PTPN13: variants seen among roughly 807,000 people sequenced by gnomAD.
PTPN13 encodes the protein tyrosine-protein phosphatase non-receptor type 13.
A neutral mutation model predicts 284.0 loss-of-function variants in PTPN13; 191 were observed. The ratio of observed to expected loss-of-function variants is 0.67; its 90% CI spans 0.60 to 0.76. PTPN13 has a LOEUF of 0.76. PTPN13 is among the 30% of genes least tolerant of loss of function. The pLI is 0.00. For synonymous variants in PTPN13, 986 were observed against 1,022.3 expected (o/e 0.96, Z 0.68); for missense variants, 2,797 against 2,939.9 (o/e 0.95, Z 1.12).
chr4:86,659,793 G>A (rs192723441), intron 2 of PTPN13, among the ~76,000 whole-genome samples: 1 of 151,890 alleles, frequency 6.6e-6, no homozygotes, highest in East Asian at 1.9e-4. Context: ...TCCAGCCTGG[G>A]TGACAGAGTA....
chr4:86,784,493 C>G lies in PTPN13; in HGVS notation c.6053C>G (p.Ser2018Trp), dbSNP rs764113622. 6.2e-7 allele frequency: 1 copy of G among 1,606,030 alleles called. No homozygotes were observed. The highest frequency in any genetic ancestry group is 1.3e-5 in the African/African-American group (1 of 74,530). Residue 2018 changes from serine (S) to tryptophan (W), a missense_variant, in exon 38 of 48, where the codon TCG becomes TGG. By Grantham distance (177) the Ser-to-Trp change is radical. Coordinates refer to ENST00000411767, the MANE Select transcript of PTPN13 (RefSeq NM_080683.3). ...TVAGEEINEI[S>W]YPKGKCSTYQ... ...GCTGGGGAAGAAATAAATGAAATAT[C>G]GTACCCCAAAGGAAAATGTTCTACT...
intron 7 of PTPN13, among the ~76,000 whole-genome samples, chr4:86,714,362 C>T (rs956063917): frequency 2.6e-5 from 4 of 152,054 alleles, no homozygotes; most frequent in African/African-American, 9.7e-5. Context: ...TAAGAAGGTA[C>T]GATTTTTCCT....
intron 1 of PTPN13, among the ~76,000 whole-genome samples, chr4:86,613,904 A>C (rs1049000230): frequency 1.3e-5 from 2 of 152,154 alleles, no homozygotes; most frequent in African/African-American, 4.8e-5. Context: ...TGGGAAGTTA[A>C]ATACCTAGAA....
intron 32 of PTPN13, 65 bp from the exon 33 acceptor site, chr4:86,774,308 C>T (rs987914460): frequency 1.0e-5 from 15 of 1,432,124 alleles, no homozygotes; most frequent in African/African-American, 2.9e-5. Flanking sequence ...AAATGATAGT[C>T]ATCTTTCTGT....
At chr4:86,722,554 A>G (rs1733790426) in intron 10 of PTPN13, 120 bp downstream of exon 10, 11 of 707,334 alleles carry the variant, frequency 1.6e-5, no homozygotes, top group Non-Finnish European at 2.7e-5. Context: ...TGAAACTGAA[A>G]TCCCATATTC....
At chr4:86,745,459 T>C (rs959919777) in intron 17 of PTPN13, among the ~76,000 whole-genome samples, 10 of 152,186 alleles carry the variant, frequency 6.6e-5, no homozygotes, top group African/African-American at 2.2e-4. Context: ...ACCAACATGC[T>C]TGAAACAGCA....
intron 2 of PTPN13, among the ~76,000 whole-genome samples, chr4:86,639,056 G>T (rs1046172205): frequency 6.6e-6 from 1 of 152,120 alleles, no homozygotes; most frequent in African/African-American, 2.4e-5. Flanking sequence ...CATTTACGCA[G>T]CCAAAAGACA....
At chr4:86,799,524 T>A (rs1388087856) in intron 42 of PTPN13, among the ~76,000 whole-genome samples, 1 of 151,822 alleles carries the variant, frequency 6.6e-6, no homozygotes, top group Non-Finnish European at 1.5e-5. Context: ...GAGACAGGGT[T>A]TCACCATGTT....
chr4:86,612,452 A>G (rs1451924813), intron 1 of PTPN13, among the ~76,000 whole-genome samples: 2 of 152,252 alleles, frequency 1.3e-5, no homozygotes, highest in Non-Finnish European at 2.9e-5. Context: ...AAGTAGCTCA[A>G]CATATGAAAT....
chr4:86,627,098 A>G (rs1202219152), intron 1 of PTPN13, among the ~76,000 whole-genome samples: 2 of 152,154 alleles, frequency 1.3e-5, no homozygotes, highest in Non-Finnish European at 2.9e-5. Context: ...GAAGCAAAAT[A>G]AGCTAGTCAT....
chr4:86,664,992 T>C (rs966723869), intron 2 of PTPN13, among the ~76,000 whole-genome samples: 1 of 152,172 alleles, frequency 6.6e-6, no homozygotes, highest in Admixed American at 6.5e-5. Flanking sequence ...CTTCCCTCTA[T>C]CCACGTTGTC....
chr4:86,743,525 C>T (rs1736394828), intron 16 of PTPN13, among the ~76,000 whole-genome samples: 1 of 152,130 alleles, frequency 6.6e-6, no homozygotes, highest in South Asian at 2.1e-4. Flanking sequence ...AGGTATACTA[C>T]TGATAATGAA....
intron 2 of PTPN13, among the ~76,000 whole-genome samples, chr4:86,656,026 G>T (rs528645780): frequency 2.0e-5 from 3 of 152,104 alleles, no homozygotes; most frequent in Non-Finnish European, 4.4e-5. Flanking sequence ...TCTTCCAGTT[G>T]ATCTAATCGG....
intron 16 of PTPN13, among the ~76,000 whole-genome samples, chr4:86,744,171 G>T (rs1283224993): frequency 6.6e-6 from 1 of 152,060 alleles, no homozygotes; most frequent in East Asian, 1.9e-4. Flanking sequence ...CAGCAGTTAT[G>T]TTACCAGTAC....
chr4:86,689,852 G>C (rs1729844139), intron 5 of PTPN13: 1 of 663,680 alleles, frequency 1.5e-6, no homozygotes, highest in Non-Finnish European at 2.7e-6. Flanking sequence ...TGCCCTATCT[G>C]ATCTGGATCT....
intron 2 of PTPN13, among the ~76,000 whole-genome samples, chr4:86,658,049 C>A (rs1726060785): frequency 1.3e-5 from 2 of 152,154 alleles, no homozygotes; most frequent in Non-Finnish European, 1.5e-5. Flanking sequence ...GCCTGACTGC[C>A]ACTCAAATTT....
chr4:86,799,703 GCA>G (rs879930077), intron 42 of PTPN13, among the ~76,000 whole-genome samples: 2 of 151,528 alleles, frequency 1.3e-5, no homozygotes, highest in Non-Finnish European at 2.9e-5. Flanking sequence ...CCAGATATTT[GCA>G]CAGTTATATT....
chr4:86,644,937 G>T (rs1041779645), intron 2 of PTPN13, among the ~76,000 whole-genome samples: 1 of 152,142 alleles, frequency 6.6e-6, no homozygotes, highest in Non-Finnish European at 1.5e-5. Context: ...GCCGGGCTTG[G>T]CAGCTCACAC....
chr4:86,747,549 G>GCAGCAGCA, intron 17 of PTPN13, among the ~76,000 whole-genome samples: 1 of 143,720 alleles, frequency 7.0e-6, no homozygotes, highest in African/African-American at 2.6e-5. Flanking sequence ...CAGCAGCAGC[G>GCAGCAGCA]GCAGCAGCAG....
Sources: allele counts gnomAD v4.1 joint callset (sites outside exome capture counted in the v4.1 genomes callset), GRCh38; gene constraint gnomAD v4.1.1; transcripts MANE v1.5; gene names NCBI Gene and HGNC (gene_info 2026-07-23, HGNC 2026-07-21).